The following AGPS variants were observed in gnomAD, a reference collection of about 807,000 sequenced individuals.
AGPS encodes alkylglycerone phosphate synthase.
AGPS carries 26 observed loss-of-function variants against 90.7 expected under a neutral mutation model. The observed-to-expected ratio is 0.29, with a 90% CI of 0.21 to 0.40. The LOEUF (loss-of-function observed/expected upper bound fraction) is 0.40, where lower values mean the gene tolerates loss of function less well. Ranked by LOEUF, AGPS falls within the 10% of genes least tolerant of loss-of-function variation. The probability of loss-of-function intolerance (pLI) is 1.00; values close to 1 mark genes in which losing one functional copy is unlikely to be tolerated. For synonymous variants in AGPS, 294 were observed against 285.3 expected (o/e 1.03, Z -0.31); for missense variants, 540 against 816.1 (o/e 0.66, Z 4.12).
At chr2:177,502,931 C>T (rs900702839) in intron 14 of AGPS, among the ~76,000 whole-genome samples, 1 of 152,140 alleles carries the variant, frequency 6.6e-6, no homozygotes, top group African/African-American at 2.4e-5. Context: ...GAAAGCACCA[C>T]CAAGTTTCTT....
Position 177,485,453 on chromosome 2 carries a change from AT to A in AGPS, c.1233+3269del, listed in dbSNP as rs1429369217. The stretch of plus-strand genomic sequence containing the variant: ...GTAATCTGATACAGTTTTTATTACA[AT>A]TCGATATGCCCCTGATAGAAAGTGA... On this transcript the variant is annotated intron_variant, in intron 11 of 19. Transcript: ENST00000264167. 6.6e-5 allele frequency among the ~76,000 whole-genome samples: 10 copies of A among 152,318 alleles called. No homozygotes were observed. The East Asian group carries it at 1.5e-3, about 23-fold the overall frequency.
chr2:177,518,423 C>G (rs1021992242), intron 17 of AGPS, among the ~76,000 whole-genome samples: 7 of 151,616 alleles, frequency 4.6e-5, no homozygotes, highest in African/African-American at 1.5e-4. Context: ...GCAACAATAG[C>G]AAAACTACAT....
At chr2:177,440,850 G>A in intron 5 of AGPS, 115 bp from the exon 6 acceptor site, 2 of 821,984 alleles carry the variant, frequency 2.4e-6, no homozygotes. Context: ...TTGTGTTAAT[G>A]AGCAAATGAA....
At chr2:177,482,266 G>T in intron 11 of AGPS, 80 bp downstream of exon 11, 1 of 776,014 alleles carries the variant, frequency 1.3e-6, no homozygotes, top group Non-Finnish European at 1.9e-6. Context: ...CTACATAGTT[G>T]ATTGTGATAT....
At chr2:177,487,674 A>G (rs1217033581) in intron 11 of AGPS, among the ~76,000 whole-genome samples, 1 of 152,122 alleles carries the variant, frequency 6.6e-6, no homozygotes, top group Non-Finnish European at 1.5e-5. Flanking sequence ...GAGAAACTGA[A>G]ATTATTTTAA....
At position 177,499,254 on chromosome 2, in the gene AGPS, C is replaced by T. The variant is rs539436875; in HGVS notation, c.1363-364C>T. ...AGGGATGTTGTTGATTTTTGCTTCC[C>T]GCCCAATATATCCAGCTACTTTATT... On this transcript the variant is annotated intron_variant, in intron 13 of 19. Transcript: ENST00000264167. Among the ~76,000 whole-genome samples, 12 of 151,696 alleles carry T rather than the reference C, an allele frequency of 7.9e-5. No homozygotes were observed. In the East Asian group the frequency reaches 2.1e-3, roughly 27 times the overall value.
rs1391100252 is a variant in AGPS, at chr2:177,541,730, T to C, written c.*3535T>C. The stretch of plus-strand genomic sequence containing the variant: ...GTTTTACCTTTGACTTTATGAGTTA[T>C]AGAAGCTTGGCTTTGCTCTAGGCTT... On this transcript the variant is annotated 3_prime_UTR_variant, in exon 20 of 20. Transcript: ENST00000264167. The C allele has an allele frequency of 9.2e-5, 14 of 152,216 alleles. No individual in the cohort carries two copies. Among genetic ancestry groups the C allele is most frequent in the African/African-American group, 1.7e-4 (7 of 41,456 alleles). 9.4% of individuals were successfully genotyped at this position (152,216 alleles called of 1,614,324 possible). A position where few individuals can be genotyped will look rare whatever the true frequency, so the allele number is the denominator to read the frequency against.
At chr2:177,498,270 ATTT>A (rs991180387) in intron 13 of AGPS, among the ~76,000 whole-genome samples, 1 of 151,128 alleles carries the variant, frequency 6.6e-6, no homozygotes. Flanking sequence ...GAACGTTAAC[ATTT>A]TTTTTATTTT....
In AGPS at chr2:177,411,153, C is replaced by T. The variant is rs189231565; in HGVS notation, c.261-9116C>T. Among the ~76,000 whole-genome samples, 12 of 152,238 alleles carry T rather than the reference C, an allele frequency of 7.9e-5. No homozygotes were observed. In the East Asian group the frequency reaches 2.3e-3, roughly 29 times the overall value. The stretch of plus-strand genomic sequence containing the variant: ...ATAAAAAAACTGAGGTTGCCAAGTT[C>T]AGTAGGGTTTCTAAGTTTTGCTGCA... On this transcript the variant is annotated intron_variant, in intron 1 of 19. Coordinates refer to ENST00000264167, the MANE Select transcript of AGPS (RefSeq NM_003659.4).
chr2:177,467,251 A>G (rs1421911946), intron 9 of AGPS, among the ~76,000 whole-genome samples: 1 of 152,236 alleles, frequency 6.6e-6, no homozygotes, highest in Non-Finnish European at 1.5e-5. Context: ...CAATATATTA[A>G]CATGTAAATG....
intron 19 of AGPS, among the ~76,000 whole-genome samples, chr2:177,534,705 A>T (rs887650961): frequency 6.6e-6 from 1 of 151,428 alleles, no homozygotes; most frequent in Non-Finnish European, 1.5e-5. Context: ...CTTCCGCCCA[A>T]TCTCCTGAGT....
intron 10 of AGPS, among the ~76,000 whole-genome samples, chr2:177,474,243 T>C (rs1400575518): frequency 2.0e-5 from 3 of 152,204 alleles, no homozygotes; most frequent in Non-Finnish European, 2.9e-5. Flanking sequence ...GGCAACACTA[T>C]TGCTACATAT....
intron 14 of AGPS, among the ~76,000 whole-genome samples, chr2:177,501,241 C>T (rs758311591): frequency 1.3e-5 from 2 of 152,016 alleles, no homozygotes; most frequent in Admixed American, 1.3e-4. Context: ...TCACCTCAGT[C>T]GTCTCTCTGC....
intron 1 of AGPS, among the ~76,000 whole-genome samples, chr2:177,418,666 A>G (rs1379652251): frequency 6.6e-6 from 1 of 151,994 alleles, no homozygotes; most frequent in African/African-American, 2.4e-5. Flanking sequence ...TTGAAATATA[A>G]GAAAATACTA....
At chr2:177,523,394 G>T (rs751967978) in intron 18 of AGPS, among the ~76,000 whole-genome samples, 3 of 152,150 alleles carry the variant, frequency 2.0e-5, no homozygotes, top group African/African-American at 7.2e-5. Flanking sequence ...TAGTCACTTT[G>T]TTGGTATAAT....
intron 17 of AGPS, among the ~76,000 whole-genome samples, chr2:177,519,408 A>C (rs1689116955): frequency 6.6e-6 from 1 of 152,170 alleles, no homozygotes; most frequent in African/African-American, 2.4e-5. Context: ...TTTAAGCTGC[A>C]TAAGCTAATT....
intron 1 of AGPS, among the ~76,000 whole-genome samples, chr2:177,419,541 A>C (rs903937518): frequency 5.3e-5 from 8 of 151,880 alleles, no homozygotes; most frequent in African/African-American, 1.9e-4. Flanking sequence ...TGATGTGCAA[A>C]ATTGAATGAT....
Position 177,461,889 on chromosome 2 carries a change from T to C in AGPS, c.871-4T>C. 4 of 1,609,802 alleles carry C rather than the reference T, an allele frequency of 2.5e-6. No homozygotes were observed. The highest frequency in any genetic ancestry group is 3.4e-6 in the Non-Finnish European group (4 of 1,177,296). ...CTGTAAAATGTTAAATTTTTGTTTT[T>C]CAGCTTAAAGAAAGTGGTTATTGTA... On this transcript the variant is annotated splice_polypyrimidine_tract_variant and splice_region_variant and intron_variant, in intron 8 of 19. Coordinates refer to ENST00000264167, the MANE Select transcript of AGPS (RefSeq NM_003659.4).
At chr2:177,418,923 G>C (rs1685866531) in intron 1 of AGPS, among the ~76,000 whole-genome samples, 1 of 151,916 alleles carries the variant, frequency 6.6e-6, no homozygotes, top group Admixed American at 6.6e-5. Flanking sequence ...AGGTAGGAAT[G>C]TTATGGGATT....
Sources: gnomAD v4.1 joint callset for allele counts (sites outside exome capture counted in the v4.1 genomes callset) on GRCh38, gnomAD v4.1.1 for gene constraint, MANE v1.5 for transcripts, NCBI Gene and HGNC (gene_info 2026-07-23, HGNC 2026-07-21) for gene names.